The following MINDY4 variants were observed in gnomAD, a reference collection of about 807,000 sequenced individuals.
The protein encoded by MINDY4 is probable ubiquitin carboxyl-terminal hydrolase MINDY-4.
MINDY4 carries 68 observed loss-of-function variants against 87.0 expected under a neutral mutation model. The observed-to-expected ratio is 0.78, with a 90% CI of 0.64 to 0.96. The LOEUF is 0.96. MINDY4 is among the 40% of genes least tolerant of loss of function. MINDY4 has a pLI of 0.00. For missense variants in MINDY4, 919 were observed against 928.2 expected, an observed-to-expected ratio of 0.99 and a Z score of 0.13; for synonymous variants, 379 against 363.2, an observed-to-expected ratio of 1.04 and a Z score of -0.50.
At position 30,839,271 on chromosome 7, in the gene MINDY4, C is replaced by A; in HGVS notation, c.1311C>A (p.Ser437=). Residue 437 remains serine, a synonymous_variant, in exon 8 of 18, where the codon TCC becomes TCA. Coordinates refer to ENST00000265299, the MANE Select transcript of MINDY4 (RefSeq NM_032222.3). ...FNEEWKLQSF[S]FSNTASLKYG... is the part of the protein sequence containing the mutation. The stretch of plus-strand genomic sequence containing the variant: ...AAGAATGGAAACTTCAGAGTTTTTC[C>A]TTTAGTAACACAGCCTCATTAAAAT... The A allele has an allele frequency of 1.2e-6, 2 of 1,612,020 alleles. No homozygotes were observed. Among genetic ancestry groups the A allele is most frequent in the Non-Finnish European group, 1.7e-6 (2 of 1,179,160 alleles).
At position 30,882,929 on chromosome 7, in the gene MINDY4, C is replaced by A; in HGVS notation, c.2161C>A (p.Gln721Lys). 3 of 1,613,970 alleles carry A rather than the reference C, an allele frequency of 1.9e-6. No homozygotes were observed. The highest frequency in any genetic ancestry group is 2.5e-6 in the Non-Finnish European group (3 of 1,179,936). Residue 721 changes from glutamine (Q) to lysine (K), a missense_variant, in exon 17 of 18, where the codon CAA becomes AAA. Gln to Lys is a moderately conservative substitution (Grantham distance 53). Transcript: ENST00000265299. ...EQIRLTIDTT[Q>K]TISEDTDNDL... ...TCTCTCCTCCTTCCCAGACACCACCCAAACCATCTCTGAGGACACAGACAA... is the reference window on the plus strand; with the variant it reads ...TCTCTCCTCCTTCCCAGACACCACCAAAACCATCTCTGAGGACACAGACAA...
intron 14 of MINDY4, among the ~76,000 whole-genome samples, chr7:30,874,193 G>A (rs1198279707): frequency 2.0e-5 from 3 of 152,250 alleles, no homozygotes; most frequent in African/African-American, 7.2e-5. Context: ...GAAGGTGGAT[G>A]AGACAGAGAG....
rs1476148770 is a variant in MINDY4 at position 30,778,331 on chromosome 7, G to C, written c.64-101G>C. The C allele has an allele frequency of 2.0e-6, 3 of 1,465,370 alleles. No individual in the cohort carries two copies. The African/African-American group carries it at 4.2e-5, about 20-fold the overall frequency. The allele number at this position is 1,465,370 out of a possible 1,614,324, so 90.8% of individuals were successfully genotyped here. On this transcript the variant is annotated intron_variant, in intron 1 of 17. Coordinates refer to ENST00000265299, the MANE Select transcript of MINDY4 (RefSeq NM_032222.3). ...GATGTCAAGTGTAAAGGTTATATGAGAATTATCTTGGTGAACATCAGGAAT... is the reference window on the plus strand; with the variant it reads ...GATGTCAAGTGTAAAGGTTATATGACAATTATCTTGGTGAACATCAGGAAT...
chr7:30,834,205 T>C (rs1788792001), intron 6 of MINDY4, among the ~76,000 whole-genome samples: 2 of 152,264 alleles, frequency 1.3e-5, no homozygotes, highest in African/African-American at 2.4e-5. Context: ...CCCGCCCCTG[T>C]AGCAAACTTC....
At chr7:30,833,020 G>A (rs1302910784) in intron 6 of MINDY4, among the ~76,000 whole-genome samples, 1 of 152,104 alleles carries the variant, frequency 6.6e-6, no homozygotes, top group Non-Finnish European at 1.5e-5. Flanking sequence ...GACATAGATA[G>A]CATTGTGTTA....
intron 5 of MINDY4, among the ~76,000 whole-genome samples, chr7:30,814,667 T>G (rs1194566775): frequency 6.6e-6 from 1 of 152,214 alleles, no homozygotes; most frequent in Non-Finnish European, 1.5e-5. Flanking sequence ...TGTAGAACAT[T>G]TAACACCCTT....
intron 1 of MINDY4, among the ~76,000 whole-genome samples, chr7:30,773,365 C>T (rs1379878950): frequency 6.6e-6 from 1 of 152,174 alleles, no homozygotes; most frequent in African/African-American, 2.4e-5. Flanking sequence ...GAAACTTGCC[C>T]AGGGTGAGCA....
chr7:30,826,004 CT>C (rs1788488216), intron 5 of MINDY4, among the ~76,000 whole-genome samples: 1 of 152,222 alleles, frequency 6.6e-6, no homozygotes, highest in East Asian at 1.9e-4. Flanking sequence ...GATTCCTTGG[CT>C]TGTAGCTCCT....
intron 8 of MINDY4, 94 bp from the exon 9 acceptor site, chr7:30,840,666 C>A: frequency 9.8e-7 from 1 of 1,022,578 alleles, no homozygotes; most frequent in Non-Finnish European, 1.5e-6. Flanking sequence ...GGCCCCTTTA[C>A]TCTATCAGGT....
intron 5 of MINDY4, among the ~76,000 whole-genome samples, chr7:30,793,316 C>T (rs901112611): frequency 1.3e-5 from 2 of 150,874 alleles, no homozygotes; most frequent in African/African-American, 4.9e-5. Context: ...ATAATTATGG[C>T]ATTTATATTT....
chr7:30,821,591 G>A (rs1273930338), intron 5 of MINDY4, among the ~76,000 whole-genome samples: 1 of 152,110 alleles, frequency 6.6e-6, no homozygotes, highest in Admixed American at 6.5e-5. Flanking sequence ...TGAATCTCAT[G>A]TTTCTATGAG....
intron 5 of MINDY4, among the ~76,000 whole-genome samples, chr7:30,795,031 T>C (rs1293282738): frequency 1.3e-5 from 2 of 152,196 alleles, no homozygotes; most frequent in Non-Finnish European, 2.9e-5. Flanking sequence ...CCAAGCCTCT[T>C]GGCTCCTCAG....
intron 5 of MINDY4, among the ~76,000 whole-genome samples, chr7:30,828,057 A>G (rs1025091555): frequency 7.9e-5 from 12 of 152,132 alleles, no homozygotes; most frequent in African/African-American, 2.9e-4. Flanking sequence ...TGCTCCCTCA[A>G]AGGGTCCACC....
chr7:30,854,652 G>T (rs145401226), intron 12 of MINDY4, among the ~76,000 whole-genome samples: 1 of 152,302 alleles, frequency 6.6e-6, no homozygotes, highest in East Asian at 1.9e-4. Flanking sequence ...GTGGTAAGCC[G>T]GAGAGTGGGA....
chr7:30,852,065 G>A, intron 10 of MINDY4, 151 bp from the exon 11 acceptor site: 3 of 786,024 alleles, frequency 3.8e-6, no homozygotes. Flanking sequence ...TGAGTTCAAA[G>A]TGGGGAAAAA....
intron 13 of MINDY4, among the ~76,000 whole-genome samples, chr7:30,871,861 A>G (rs1300167962): frequency 6.6e-6 from 1 of 152,202 alleles, no homozygotes; most frequent in African/African-American, 2.4e-5. Context: ...TCAGAGGTGG[A>G]AGAGGGTTCC....
chr7:30,887,348 G>C (rs1330406412), intron 17 of MINDY4, among the ~76,000 whole-genome samples: 2 of 152,218 alleles, frequency 1.3e-5, no homozygotes, highest in African/African-American at 4.8e-5. Flanking sequence ...GCTCCAGAAG[G>C]TCTGGTTCTG....
chr7:30,813,008 A>G (rs1285738375), intron 5 of MINDY4, among the ~76,000 whole-genome samples: 2 of 152,210 alleles, frequency 1.3e-5, no homozygotes, highest in African/African-American at 4.8e-5. Flanking sequence ...TTTCTCGCCC[A>G]CACCATCCAG....
At chr7:30,866,809 G>T (rs1038491078) in intron 13 of MINDY4, among the ~76,000 whole-genome samples, 4 of 152,158 alleles carry the variant, frequency 2.6e-5, no homozygotes, top group Admixed American at 2.6e-4. Flanking sequence ...GGTGGCAGAA[G>T]GCAGCTTGGG....
Sources: allele counts gnomAD v4.1 joint callset (sites outside exome capture counted in the v4.1 genomes callset), GRCh38; gene constraint gnomAD v4.1.1; transcripts MANE v1.5; gene names NCBI Gene and HGNC (gene_info 2026-07-23, HGNC 2026-07-21).